EFCAB11: variants seen among roughly 807,000 people sequenced by gnomAD.
The protein encoded by EFCAB11 is EF-hand calcium-binding domain-containing protein 11.
A neutral mutation model predicts 23.0 loss-of-function variants in EFCAB11; 14 were observed. The observed-to-expected ratio is 0.61, with a 90% CI of 0.40 to 0.95. The LOEUF is 0.95. Among genes scored for constraint, EFCAB11 ranks in the 40% least tolerant of loss-of-function variants. EFCAB11 has a pLI of 0.00. For missense variants in EFCAB11, 198 were observed against 195.8 expected, an observed-to-expected ratio of 1.01 and a Z score of -0.07; for synonymous variants, 65 against 66.6, an observed-to-expected ratio of 0.98 and a Z score of 0.11.
At chr14:89,894,885 A>G (rs1197498136) in intron 5 of EFCAB11, among the ~76,000 whole-genome samples, 2 of 152,232 alleles carry the variant, frequency 1.3e-5, no homozygotes, top group African/African-American at 2.4e-5. Context: ...AGCAACAAAA[A>G]CGATAAAATA....
chr14:89,806,972 C>T (rs1885990991), intron 5 of EFCAB11, among the ~76,000 whole-genome samples: 1 of 152,030 alleles, frequency 6.6e-6, no homozygotes, highest in South Asian at 2.1e-4. Flanking sequence ...GAAACATAAG[C>T]ATATATAAAT....
chr14:89,887,936 AT>A (rs112514661), intron 5 of EFCAB11, among the ~76,000 whole-genome samples: 13,916 of 152,266 alleles, frequency 0.091, 1,621 homozygotes, highest in African/African-American at 0.27. Context: ...TTCTAAAAAA[AT>A]AATCTAAAGT....
intron 5 of EFCAB11, among the ~76,000 whole-genome samples, chr14:89,895,249 T>C (rs931522765): frequency 1.3e-5 from 2 of 152,198 alleles, no homozygotes; most frequent in African/African-American, 4.8e-5. Flanking sequence ...AAAATATATT[T>C]ATGAATAGGA....
chr14:89,849,450 G>C (rs1052404785), intron 5 of EFCAB11, among the ~76,000 whole-genome samples: 2 of 151,626 alleles, frequency 1.3e-5, no homozygotes, highest in Non-Finnish European at 2.9e-5. Flanking sequence ...TATTTTGGTA[G>C]GGAAGAATGC....
chr14:89,845,474 A>AAACTAAGT (rs1887401466), intron 5 of EFCAB11, among the ~76,000 whole-genome samples: 1 of 152,140 alleles, frequency 6.6e-6, no homozygotes, highest in African/African-American at 2.4e-5. Context: ...TCAAACTAAG[A>AAACTAAGT]TTTCGACGTC....
intron 5 of EFCAB11, among the ~76,000 whole-genome samples, chr14:89,850,106 G>A (rs202156136): frequency 1.3e-5 from 2 of 151,844 alleles, no homozygotes; most frequent in Admixed American, 6.6e-5. Flanking sequence ...CCTGCCTCCC[G>A]GCCAGCCACA....
At chr14:89,869,571 T>C (rs371807114) in intron 5 of EFCAB11, among the ~76,000 whole-genome samples, 3 of 152,306 alleles carry the variant, frequency 2.0e-5, no homozygotes, top group African/African-American at 7.2e-5. Context: ...AAGCATGAGC[T>C]ATAGAATCCA....
chr14:89,924,370 T>G (rs538489348), intron 5 of EFCAB11: 246 of 1,168,092 alleles, frequency 2.1e-4, no homozygotes, highest in Non-Finnish European at 2.6e-4. Context: ...AATCTGCCTG[T>G]GCACTCAGGA....
intron 5 of EFCAB11, among the ~76,000 whole-genome samples, chr14:89,916,439 T>C (rs1254534761): frequency 2.0e-5 from 3 of 152,218 alleles, no homozygotes; most frequent in Admixed American, 2.0e-4. Context: ...TTTGTGATAA[T>C]AGCAGTTTAA....
chr14:89,825,978 G>A (rs1390007351), intron 5 of EFCAB11, among the ~76,000 whole-genome samples: 1 of 152,078 alleles, frequency 6.6e-6, no homozygotes, highest in Non-Finnish European at 1.5e-5. Flanking sequence ...ATAGGTATTG[G>A]AGCAGGGTCC....
At chr14:89,943,709 A>T (rs1425478261) in intron 3 of EFCAB11, among the ~76,000 whole-genome samples, 4 of 152,228 alleles carry the variant, frequency 2.6e-5, no homozygotes, top group African/African-American at 9.6e-5. Flanking sequence ...TTGGTTCAGT[A>T]TTGAACAATT....
chr14:89,954,134 T>A, intron 1 of EFCAB11, 133 bp from the exon 2 acceptor site: 1 of 902,684 alleles, frequency 1.1e-6, no homozygotes, highest in Non-Finnish European at 1.6e-6. Context: ...AATTTCATTA[T>A]CCCAATATTA....
At chr14:89,861,214 A>T (rs1158386056) in intron 5 of EFCAB11, among the ~76,000 whole-genome samples, 3 of 152,062 alleles carry the variant, frequency 2.0e-5, no homozygotes, top group Non-Finnish European at 4.4e-5. Context: ...CCATCCATTT[A>T]TACTAATATG....
chr14:89,912,041 A>C (rs1031388933), intron 5 of EFCAB11, among the ~76,000 whole-genome samples: 12 of 152,268 alleles, frequency 7.9e-5, no homozygotes, highest in African/African-American at 2.9e-4. Flanking sequence ...GCAGGGATTT[A>C]GATCCAGAGA....
chr14:89,896,997 T>C (rs1369011058), intron 5 of EFCAB11, among the ~76,000 whole-genome samples: 2 of 152,132 alleles, frequency 1.3e-5, no homozygotes. Context: ...AAGGTGCTAG[T>C]ATTATAGGCG....
intron 5 of EFCAB11, 94 bp downstream of exon 5, chr14:89,931,447 A>G (rs746654423): frequency 3.0e-5 from 35 of 1,177,778 alleles, no homozygotes; most frequent in Non-Finnish European, 4.2e-5. Context: ...AGACTCAAAA[A>G]TCAGAATAAA....
At chr14:89,808,417 T>C (rs1275254537) in intron 5 of EFCAB11, among the ~76,000 whole-genome samples, 1 of 152,186 alleles carries the variant, frequency 6.6e-6, no homozygotes, top group Admixed American at 6.5e-5. Context: ...AAGATAGATT[T>C]TTTTTTCCAT....
chr14:89,815,548 TC>T (rs1886308103), intron 5 of EFCAB11, among the ~76,000 whole-genome samples: 1 of 151,956 alleles, frequency 6.6e-6, no homozygotes, highest in African/African-American at 2.4e-5. Context: ...TGCCTCAGCC[TC>T]TTGAGTAGCT....
intron 3 of EFCAB11, among the ~76,000 whole-genome samples, chr14:89,946,338 C>T (rs1409852889): frequency 6.6e-6 from 1 of 152,102 alleles, no homozygotes; most frequent in Non-Finnish European, 1.5e-5. Flanking sequence ...GGTTAGTGTT[C>T]AGTACAGTAT....
Sources: gnomAD v4.1 joint callset for allele counts (sites outside exome capture counted in the v4.1 genomes callset) on GRCh38, gnomAD v4.1.1 for gene constraint, MANE v1.5 for transcripts, NCBI Gene and HGNC (gene_info 2026-07-23, HGNC 2026-07-21) for gene names.